Variants in METTL9 observed in about 807,000 individuals in gnomAD.
METTL9 encodes the protein methyltransferase 9, His-X-His N1(pi)-histidine.
METTL9 carries 10 observed loss-of-function variants against 36.0 expected under a neutral mutation model. That is an observed-to-expected ratio of 0.28 (90% CI 0.17 to 0.47). The LOEUF is 0.47. Among genes scored for constraint, METTL9 ranks in the 20% least tolerant of loss-of-function variants. The pLI, the probability that METTL9 is intolerant of heterozygous loss-of-function variation, is 0.99. For missense variants in METTL9, 246 were observed against 383.5 expected (o/e 0.64, Z 3.00); for synonymous variants, 175 against 149.7 (o/e 1.17, Z -1.23).
At chr16:21,647,056 A>G (rs762955592) in intron 4 of METTL9, 10 of 1,582,314 alleles carry the variant, frequency 6.3e-6, no homozygotes, top group South Asian at 3.3e-5. Context: ...CCTGATTTCT[A>G]CATGTGAGTG....
intron 4 of METTL9, chr16:21,647,499 G>A (rs1274808912): frequency 3.7e-6 from 6 of 1,604,062 alleles, no homozygotes; most frequent in Middle Eastern, 1.7e-4. Context: ...GCACCTGTGG[G>A]AGGAAGCAGA....
chr16:21,614,605 C>G (rs576255281), intron 2 of METTL9, among the ~76,000 whole-genome samples: 1 of 152,300 alleles, frequency 6.6e-6, no homozygotes, highest in African/African-American at 2.4e-5. Flanking sequence ...CCCATCAGTA[C>G]TTTCCGGTCA....
chr16:21,654,031 G>GTTTTGT (rs1236511093), intron 4 of METTL9: 2 of 121,664 alleles, frequency 1.6e-5, no homozygotes, highest in Non-Finnish European at 3.4e-5. Flanking sequence ...TTCTCAGTCT[G>GTTTTGT]TTTTGTTTTT....
chr16:21,647,068 G>A (rs1454373), intron 4 of METTL9: 92,881 of 1,602,330 alleles, frequency 0.058, 5,796 homozygotes, highest in East Asian at 0.33. Flanking sequence ...ATGTGAGTGA[G>A]GTAATGATTT....
chr16:21,631,598 G>T (rs1235354170), intron 4 of METTL9, among the ~76,000 whole-genome samples: 1 of 152,174 alleles, frequency 6.6e-6, no homozygotes, highest in Non-Finnish European at 1.5e-5. Context: ...AATCGCCCGG[G>T]AGGAACCATC....
chr16:21,610,334 C>G (rs1965398132), intron 1 of METTL9, among the ~76,000 whole-genome samples: 1 of 152,178 alleles, frequency 6.6e-6, no homozygotes, highest in Non-Finnish European at 1.5e-5. Context: ...TGCTTCATTC[C>G]TTTGTATGGC....
At chr16:21,601,729 CTGTGTGTGTGTGTG>C (rs57264395) in intron 1 of METTL9, among the ~76,000 whole-genome samples, 11 of 145,780 alleles carry the variant, frequency 7.5e-5, no homozygotes, top group South Asian at 6.5e-4. Flanking sequence ...TATTTATATT[CTGTGTGTGTGTGTG>C]TGTGTGTGTG....
intron 4 of METTL9, among the ~76,000 whole-genome samples, chr16:21,636,039 G>A (rs1966083477): frequency 6.6e-6 from 1 of 152,104 alleles, no homozygotes; most frequent in South Asian, 2.1e-4. Flanking sequence ...TCAAAAACCT[G>A]TTAGAGTCCT....
chr16:21,609,665 A>G (rs1317969515), intron 1 of METTL9, among the ~76,000 whole-genome samples: 1 of 152,102 alleles, frequency 6.6e-6, no homozygotes, highest in Non-Finnish European at 1.5e-5. Context: ...CTTCCAGAAA[A>G]AAGAAGGAAG....
rs1966716026 is a variant in METTL9, at chr16:21,656,527, A to AAT, written c.*1095_*1096insAT. The AAT allele has an allele frequency of 6.6e-6, 1 of 152,174 alleles. No homozygotes were observed. Among genetic ancestry groups the AAT allele is most frequent in the Non-Finnish European group, 1.5e-5 (1 of 68,036 alleles). The allele number at this position is 152,174 out of a possible 1,614,324, so 9.4% of individuals were successfully genotyped here. A position where few individuals can be genotyped will look rare whatever the true frequency, so the allele number is the denominator to read the frequency against. On this transcript the variant is annotated 3_prime_UTR_variant, in exon 5 of 5. Coordinates refer to ENST00000358154, the MANE Select transcript of METTL9 (RefSeq NM_016025.5). ...CATAAACCCAGAAATGCTGCCATAGAGGAACCCATTAGCAAGATCAATAAC... is the reference window on the plus strand; with the variant it reads ...CATAAACCCAGAAATGCTGCCATAGAATGGAACCCATTAGCAAGATCAATAAC...
At chr16:21,621,170 G>T (rs1053214156) in intron 3 of METTL9, among the ~76,000 whole-genome samples, 5 of 151,750 alleles carry the variant, frequency 3.3e-5, no homozygotes, top group South Asian at 2.1e-4. Flanking sequence ...GTGTGTGTGT[G>T]TGTGTTTTTG....
rs200635568 is a variant in METTL9, at chr16:21,647,417, G to A, written c.752-7810G>A. The A allele has an allele frequency of 3.8e-5, 62 of 1,614,076 alleles. No individual in the cohort carries two copies. The East Asian group carries it at 1.3e-3, about 33-fold the overall frequency. On this transcript the variant is annotated intron_variant, in intron 4 of 4. Coordinates refer to ENST00000358154, the MANE Select transcript of METTL9 (RefSeq NM_016025.5). ...GGTTGCGGAGAAGGTACACTTTATG[G>A]TGACGGCCTCATGAGTGTAGTCCAC...
chr16:21,649,361 G>C (rs1254977375), intron 4 of METTL9, among the ~76,000 whole-genome samples: 1 of 152,146 alleles, frequency 6.6e-6, no homozygotes, highest in East Asian at 1.9e-4. Flanking sequence ...GTGGTGACCT[G>C]ATAAATGCAA....
intron 4 of METTL9, chr16:21,641,904 G>A (rs540532140): frequency 5.0e-6 from 1 of 199,028 alleles, no homozygotes; most frequent in East Asian, 1.2e-4. Flanking sequence ...CCCAGCCTCA[G>A]AAAGAAAAAT....
rs781071209 is a variant in METTL9 at position 21,629,827 on chromosome 16, T to C, written c.751+4712T>C. Among the ~76,000 whole-genome samples, 3 of 152,192 alleles carry C rather than the reference T, an allele frequency of 2.0e-5. 1 individual carries two copies. Among genetic ancestry groups the C allele is most frequent in the Non-Finnish European group, 4.4e-5 (3 of 68,036 alleles). On this transcript the variant is annotated intron_variant, in intron 4 of 4. Transcript: ENST00000358154. ...CTGATTGGTCCATTTTACAGAGAGC[T>C]GATTGGTCCATTTTACAGAGAGCTG... is the stretch of plus-strand genomic sequence containing the variant.
At chr16:21,640,596 C>CAAAAAAAA (rs368761095) in intron 4 of METTL9, 16 of 65,574 alleles carry the variant, frequency 2.4e-4, no homozygotes, top group East Asian at 7.1e-4. Flanking sequence ...ACTAAAAATA[C>CAAAAAAAA]AAAAAAAAAA....
intron 4 of METTL9, chr16:21,643,716 A>C: frequency 1.6e-6 from 1 of 644,666 alleles, no homozygotes; most frequent in South Asian, 2.1e-5. Flanking sequence ...ATACAATGAG[A>C]CTTAATTTTT....
intron 4 of METTL9, chr16:21,652,809 A>G (rs1020063537): frequency 1.5e-5 from 7 of 467,328 alleles, no homozygotes; most frequent in African/African-American, 1.0e-4. Flanking sequence ...TTTTTTTTCC[A>G]TGGATTTTAC....
intron 4 of METTL9, chr16:21,626,774 C>T (rs1965823799): frequency 6.0e-6 from 1 of 165,624 alleles, no homozygotes; most frequent in African/African-American, 2.4e-5. Flanking sequence ...CTGTATTGCA[C>T]TCACTAGTCA....
Sources: gnomAD v4.1 joint callset for allele counts (sites outside exome capture counted in the v4.1 genomes callset) on GRCh38, gnomAD v4.1.1 for gene constraint, MANE v1.5 for transcripts, NCBI Gene and HGNC (gene_info 2026-07-23, HGNC 2026-07-21) for gene names.